Variants in UBE2E1 observed in about 807,000 individuals in gnomAD.
The protein encoded by UBE2E1 is ubiquitin conjugating enzyme E2 E1.
UBE2E1 carries 6 observed loss-of-function variants against 21.4 expected under a neutral mutation model. The observed-to-expected ratio is 0.28, with a 90% CI of 0.15 to 0.55. The LOEUF (loss-of-function observed/expected upper bound fraction) is 0.55, where lower values mean the gene tolerates loss of function less well. Among genes scored for constraint, UBE2E1 ranks in the 20% least tolerant of loss-of-function variants. UBE2E1 has a pLI of 0.93. For synonymous variants in UBE2E1, 87 were observed against 82.7 expected (o/e 1.05, Z -0.28); for missense variants, 142 against 236.5 (o/e 0.60, Z 2.62).
At chr3:23,883,845 G>A (rs1323547768) in intron 3 of UBE2E1, among the ~76,000 whole-genome samples, 1 of 151,668 alleles carries the variant, frequency 6.6e-6, no homozygotes, top group African/African-American at 2.4e-5. Flanking sequence ...GAACCCACGA[G>A]GGGGAGGTTG....
intron 3 of UBE2E1, among the ~76,000 whole-genome samples, chr3:23,881,737 T>G (rs531636218): frequency 1.3e-5 from 2 of 152,322 alleles, no homozygotes; most frequent in South Asian, 2.1e-4. Context: ...CTCACTGACT[T>G]CAAGAATGAA....
chr3:23,830,562 GT>G (rs1457348012), intron 3 of UBE2E1, among the ~76,000 whole-genome samples: 4 of 152,164 alleles, frequency 2.6e-5, no homozygotes, highest in Admixed American at 1.3e-4. Flanking sequence ...CAGGTTTGGG[GT>G]TTTGGTTGTG....
chr3:23,821,886 A>G (rs574906617), intron 3 of UBE2E1, among the ~76,000 whole-genome samples: 77 of 151,758 alleles, frequency 5.1e-4, no homozygotes, highest in African/African-American at 1.8e-3. Flanking sequence ...TAAGTTAGAC[A>G]TAGGTAATTG....
At position 23,823,497 on chromosome 3, in the gene UBE2E1, A is replaced by T. The variant is rs1056245430; in HGVS notation, c.203+11987A>T. 6.6e-6 allele frequency among the ~76,000 whole-genome samples: 1 copy of T among 152,192 alleles called. No homozygotes were observed. The highest frequency in any genetic ancestry group is 2.4e-5 in the African/African-American group (1 of 41,458). ...TCCACAAGTAATTTAAATTGTTCCT[A>T]CTACCACTTACAACCTTTCCTCCTC... On this transcript the variant is annotated intron_variant, in intron 3 of 5. Transcript: ENST00000306627. This position sits in a 1 kb window ranked among gnomAD's most constrained non-coding sequence, Gnocchi z 4.2.
intron 3 of UBE2E1, among the ~76,000 whole-genome samples, chr3:23,852,838 C>T (rs1700354881): frequency 6.6e-6 from 1 of 152,082 alleles, no homozygotes; most frequent in Non-Finnish European, 1.5e-5. Flanking sequence ...CTCCTGGGTT[C>T]AAGTGATCCT....
rs1311839139 is a variant in UBE2E1 at position 23,836,828 on chromosome 3, G to A, written c.203+25318G>A. On this transcript the variant is annotated intron_variant, in intron 3 of 5. Transcript: ENST00000306627. This position sits in a 1 kb window ranked among gnomAD's most constrained non-coding sequence, Gnocchi z 4.1. ...TCATGCCCAGGAATCTATTCATTCT[G>A]CACACTATGATTGATCTAGTTTATG... is the stretch of plus-strand genomic sequence containing the variant. Among the ~76,000 whole-genome samples the A allele has an allele frequency of 6.6e-6, 1 of 152,148 alleles. No individual in the cohort carries two copies. Among genetic ancestry groups the A allele is most frequent in the Non-Finnish European group, 1.5e-5 (1 of 68,018 alleles).
chr3:23,889,803 T>G, intron 5 of UBE2E1: 3 of 977,838 alleles, frequency 3.1e-6, no homozygotes, highest in Non-Finnish European at 3.6e-6. Flanking sequence ...GGTGTCAGGA[T>G]TGTTTGAACC....
Position 23,816,432 on chromosome 3 carries a change from C to T in UBE2E1, c.203+4922C>T, listed in dbSNP as rs184825633. Among the ~76,000 whole-genome samples the T allele has an allele frequency of 3.3e-5, 5 of 152,242 alleles. No homozygotes were observed. The highest frequency in any genetic ancestry group is 1.3e-4 in the Admixed American group (2 of 15,296). ...TTAATGTTATACTAAGTGGGCTGGG[C>T]GCAGTGGATTACGCTTGTAATCCCA... On this transcript the variant is annotated intron_variant, in intron 3 of 5. Transcript: ENST00000306627. The surrounding 1 kb of genome is among the most constrained non-coding windows in gnomAD (Gnocchi z 4.8).
At chr3:23,835,634 A>T (rs1348636270) in intron 3 of UBE2E1, among the ~76,000 whole-genome samples, 2 of 149,266 alleles carry the variant, frequency 1.3e-5, no homozygotes. Flanking sequence ...AAATTTGCAT[A>T]CAGTGTACCT....
chr3:23,829,656 A>G (rs1699828582), intron 3 of UBE2E1, among the ~76,000 whole-genome samples: 1 of 152,156 alleles, frequency 6.6e-6, no homozygotes, highest in South Asian at 2.1e-4. Context: ...AGGGAGTCCA[A>G]GGAAAAGGTT....
chr3:23,853,421 T>A lies in UBE2E1; in HGVS notation c.204-34146T>A, dbSNP rs761448085. 1.3e-5 allele frequency among the ~76,000 whole-genome samples: 2 copies of A among 152,228 alleles called. No individual in the cohort carries two copies. The highest frequency in any genetic ancestry group is 1.5e-5 in the Non-Finnish European group (1 of 68,034). ...TGTGGGTTTATCATTAGTGTCTGTT[T>A]AAGAGCCAAGCATTTTAATTTTGAT... On this transcript the variant is annotated intron_variant, in intron 3 of 5. Coordinates refer to ENST00000306627, the MANE Select transcript of UBE2E1 (RefSeq NM_003341.5). This position sits in a 1 kb window ranked among gnomAD's most constrained non-coding sequence, Gnocchi z 4.1.
At chr3:23,830,435 G>GTTTTT (rs1553636645) in intron 3 of UBE2E1, among the ~76,000 whole-genome samples, 1 of 151,884 alleles carries the variant, frequency 6.6e-6, no homozygotes, top group Non-Finnish European at 1.5e-5. Context: ...TTTTGTTTTT[G>GTTTTT]TTTGTTTTTG....
chr3:23,845,931 C>A (rs1288171605), intron 3 of UBE2E1, among the ~76,000 whole-genome samples: 1 of 152,058 alleles, frequency 6.6e-6, no homozygotes, highest in Non-Finnish European at 1.5e-5. Context: ...TTTTTAATCA[C>A]TTAAAAATGT....
chr3:23,891,264 G>C lies in UBE2E1; in HGVS notation c.*658G>C, dbSNP rs1701439163. ...TGGTTCTATGTTGTGGACTACTTAA[G>C]TCTGCATTTGTTACTGTGCTAATAA... On this transcript the variant is annotated 3_prime_UTR_variant, in exon 6 of 6. Coordinates refer to ENST00000306627, the MANE Select transcript of UBE2E1 (RefSeq NM_003341.5). 1 of 152,188 alleles carries C rather than the reference G, an allele frequency of 6.6e-6. No individual in the cohort carries two copies. Among genetic ancestry groups the C allele is most frequent in the Non-Finnish European group, 1.5e-5 (1 of 68,040 alleles). The allele number at this position is 152,188 out of a possible 1,614,324, so 9.4% of individuals were successfully genotyped here.
chr3:23,865,927 C>T (rs927246203), intron 3 of UBE2E1, among the ~76,000 whole-genome samples: 35 of 152,168 alleles, frequency 2.3e-4, no homozygotes, highest in Non-Finnish European at 4.6e-4. Flanking sequence ...GCTGCTGCTG[C>T]TGCAGCATCT....
chr3:23,833,432 G>T (rs1001223116), intron 3 of UBE2E1, among the ~76,000 whole-genome samples: 1 of 152,166 alleles, frequency 6.6e-6, no homozygotes, highest in Admixed American at 6.5e-5. Context: ...TATTATTTTA[G>T]ATAAATTGTT....
In UBE2E1 at chr3:23,890,674, G is replaced by T; in HGVS notation, c.*68G>T. 27 of 1,202,654 alleles carry T rather than the reference G, an allele frequency of 2.2e-5. No homozygotes were observed. The highest frequency in any genetic ancestry group is 2.9e-5 in the Non-Finnish European group (24 of 841,792). The allele number at this position is 1,202,654 out of a possible 1,614,324, so 74.5% of individuals were successfully genotyped here. A position where few individuals can be genotyped will look rare whatever the true frequency, so the allele number is the denominator to read the frequency against. On this transcript the variant is annotated 3_prime_UTR_variant, in exon 6 of 6. Coordinates refer to ENST00000306627, the MANE Select transcript of UBE2E1 (RefSeq NM_003341.5). ...GAGAGCTGCTTATGATTTTGAAGGG[G>T]TCAGGGAGGGTGGGAGTTGGTAAAG...
rs370541695 is a variant in UBE2E1, at chr3:23,863,594, G to A, written c.204-23973G>A. 1.2e-3 allele frequency among the ~76,000 whole-genome samples: 180 copies of A among 152,232 alleles called. No homozygotes were observed. The highest frequency in any genetic ancestry group is 3.7e-3 in the African/African-American group (153 of 41,540). ...TGCGCAGGCTGGAGTGCAGTGGCGCGATCTCAACTCACCGCAACCTCCGCC... is the reference window on the plus strand; with the variant it reads ...TGCGCAGGCTGGAGTGCAGTGGCGCAATCTCAACTCACCGCAACCTCCGCC... On this transcript the variant is annotated intron_variant, in intron 3 of 5. Coordinates refer to ENST00000306627, the MANE Select transcript of UBE2E1 (RefSeq NM_003341.5). This position sits in a 1 kb window ranked among gnomAD's most constrained non-coding sequence, Gnocchi z 4.3.
intron 3 of UBE2E1, among the ~76,000 whole-genome samples, chr3:23,880,432 T>A (rs1412324409): frequency 6.6e-6 from 1 of 152,096 alleles, no homozygotes; most frequent in African/African-American, 2.4e-5. Context: ...CTGGGCATGG[T>A]GGCATGTGCC....
Sources: allele counts gnomAD v4.1 joint callset (sites outside exome capture counted in the v4.1 genomes callset), GRCh38; gene constraint gnomAD v4.1.1; non-coding constraint Gnocchi (gnomAD v3.1); transcripts MANE v1.5; gene names NCBI Gene and HGNC (gene_info 2026-07-23, HGNC 2026-07-21).